LIMK1: variants seen among roughly 807,000 people sequenced by gnomAD.
LIMK1 encodes the protein LIM domain kinase 1, also known as LIM motif-containing protein kinase.
A neutral mutation model predicts 77.6 loss-of-function variants in LIMK1; 21 were observed. The observed-to-expected ratio is 0.27, with a 90% CI of 0.19 to 0.39. LIMK1 has a LOEUF of 0.39. Among genes scored for constraint, LIMK1 ranks in the 10% least tolerant of loss-of-function variants. The pLI is 1.00. For synonymous variants in LIMK1, 358 were observed against 370.0 expected, an observed-to-expected ratio of 0.97 and a Z score of 0.37; for missense variants, 696 against 901.6, an observed-to-expected ratio of 0.77 and a Z score of 2.92.
rs766135842 is a variant in LIMK1 at position 74,110,624 on chromosome 7, C to T, written c.1285-1024C>T. On this transcript the variant is annotated intron_variant, in intron 10 of 15. Transcript: ENST00000336180. The stretch of plus-strand genomic sequence containing the variant: ...TCTCGGCTCACTGCAACCTCCACCT[C>T]CCAGGTTCAATCGATTCTGCCTCAG... 173 of 152,330 alleles carry T rather than the reference C, an allele frequency of 1.1e-3. 1 individual carries two copies. Among genetic ancestry groups the T allele is most frequent in the Middle Eastern group, 6.7e-3 (2 of 298 alleles). 9.4% of individuals were successfully genotyped at this position (152,330 alleles called of 1,614,324 possible).
At position 74,121,405 on chromosome 7, in the gene LIMK1, T is replaced by A; in HGVS notation, c.*104T>A. The stretch of plus-strand genomic sequence containing the variant: ...CAGCTGGGACAGTGGGGACCCAGGC[T>A]TCTCCTCAGAGCCAGGCCCTGACTT... On this transcript the variant is annotated 3_prime_UTR_variant, in exon 16 of 16. Coordinates refer to ENST00000336180, the MANE Select transcript of LIMK1 (RefSeq NM_002314.4). 1 of 1,189,462 alleles carries A rather than the reference T, an allele frequency of 8.4e-7. No homozygotes were observed. The highest frequency in any genetic ancestry group is 1.1e-6 in the Non-Finnish European group (1 of 869,926). 73.7% of individuals were successfully genotyped at this position (1,189,462 alleles called of 1,614,324 possible). A position where few individuals can be genotyped will look rare whatever the true frequency, so the allele number is the denominator to read the frequency against.
chr7:74,107,777 A>T, intron 8 of LIMK1, 94 bp from the exon 9 acceptor site: 1 of 914,250 alleles, frequency 1.1e-6, no homozygotes, highest in South Asian at 1.4e-5. Flanking sequence ...CCATCTGCAC[A>T]TCTCCCTGGC....
chr7:74,092,260 A>T lies in LIMK1; in HGVS notation c.153-4362A>T, dbSNP rs147250429. 7.3e-3 allele frequency among the ~76,000 whole-genome samples: 1,112 copies of T among 152,128 alleles called. 12 individuals are homozygous for T. The highest frequency in any genetic ancestry group is 0.025 in the African/African-American group (1,046 of 41,530). On this transcript the variant is annotated intron_variant, in intron 2 of 15. Transcript: ENST00000336180. ...GGGTTACAGGCATGAGCCACTGCGC[A>T]CAGGCAGCTGTGCATCTTTGAATGT...
At chr7:74,092,989 C>T in intron 2 of LIMK1, 1 of 607,652 alleles carries the variant, frequency 1.6e-6, no homozygotes, top group Non-Finnish European at 2.6e-6. Context: ...GGCTCCCTGC[C>T]TGGGGTCCAA....
chr7:74,104,066 TA>T (rs1799519736), intron 5 of LIMK1, among the ~76,000 whole-genome samples: 1 of 152,038 alleles, frequency 6.6e-6, no homozygotes, highest in African/African-American at 2.4e-5. Flanking sequence ...TAGCTGGGAT[TA>T]CAGGAGTGTG....
chr7:74,107,310 A>G, intron 8 of LIMK1, 117 bp downstream of exon 8: 2 of 1,137,786 alleles, frequency 1.8e-6, no homozygotes, highest in Non-Finnish European at 2.4e-6. Flanking sequence ...CTCCCTGGCC[A>G]GTGCCCTCTC....
Position 74,096,709 on chromosome 7 carries a change from T to A in LIMK1, c.240T>A (p.Tyr80Ter). The A allele has an allele frequency of 6.2e-7, 1 of 1,613,810 alleles. No homozygotes were observed. The highest frequency in any genetic ancestry group is 8.5e-7 in the Non-Finnish European group (1 of 1,179,864). Residue 80 changes from tyrosine to a stop codon, truncating the protein, a stop_gained, in exon 3 of 16, where the codon TAT becomes TAA. Coordinates refer to ENST00000336180, the MANE Select transcript of LIMK1 (RefSeq NM_002314.4). LOFTEE classifies it high-confidence loss of function. ...GCAAGAAGGACTACTGGGCCCGCTATGGCGAGTCCTGCCATGGGTGCTCTG... is the reference window on the plus strand; with the variant it reads ...GCAAGAAGGACTACTGGGCCCGCTAAGGCGAGTCCTGCCATGGGTGCTCTG... ...LFCKKDYWAR[Y>*]GESCHGCSEQ... is the part of the protein sequence containing the mutation.
At chr7:74,118,711 G>C (rs1444455923) in intron 13 of LIMK1, among the ~76,000 whole-genome samples, 1 of 151,906 alleles carries the variant, frequency 6.6e-6, no homozygotes, top group Non-Finnish European at 1.5e-5. Context: ...GAACCCAGGA[G>C]GCAGAGGTTG....
intron 13 of LIMK1, among the ~76,000 whole-genome samples, chr7:74,116,893 T>G (rs1469921093): frequency 6.6e-6 from 1 of 151,674 alleles, no homozygotes; most frequent in Non-Finnish European, 1.5e-5. Context: ...ATTTTTTATT[T>G]TTTTTTGAGA....
Position 74,120,998 on chromosome 7 carries a change from C to G in LIMK1, c.1730C>G (p.Pro577Arg), listed in dbSNP as rs782345155. 6.2e-7 allele frequency: 1 copy of G among 1,611,018 alleles called. No individual in the cohort carries two copies. Among genetic ancestry groups the G allele is most frequent in the Admixed American group, 1.7e-5 (1 of 59,684 alleles). Residue 577 changes from proline to arginine, a missense_variant, in exon 15 of 16, where the codon CCG becomes CGG. Physicochemically the swap from Pro to Arg is moderately radical, Grantham distance 103. Around this residue, in one of 3 missense-constraint regions of LIMK1, gnomAD observed 438 missense variants for 602.3 expected, o/e 0.73. Transcript: ENST00000336180. ...CGCTACTGCCCCCCAAACTGCCCCC[C>G]GAGCTTCTTCCCCATCACCGTGCGC... The part of the protein sequence containing the change: ...LDRYCPPNCP[P>R]SFFPITVRCC...
chr7:74,103,880 G>A (rs1799516465), intron 5 of LIMK1, among the ~76,000 whole-genome samples: 1 of 151,412 alleles, frequency 6.6e-6, no homozygotes, highest in Non-Finnish European at 1.5e-5. Flanking sequence ...CTGCAGCCTC[G>A]ACCTCATGGG....
intron 2 of LIMK1, among the ~76,000 whole-genome samples, chr7:74,094,537 C>G (rs1256107254): frequency 6.6e-6 from 1 of 152,266 alleles, no homozygotes; most frequent in South Asian, 2.1e-4. Context: ...ACCCCTGTGA[C>G]CGAGGTCATG....
chr7:74,121,373 T>C lies in LIMK1; in HGVS notation c.*72T>C. The C allele has an allele frequency of 7.1e-7, 1 of 1,408,154 alleles. No homozygotes were observed. Among genetic ancestry groups the C allele is most frequent in the Non-Finnish European group, 9.5e-7 (1 of 1,056,274 alleles). The allele number at this position is 1,408,154 out of a possible 1,614,324, so 87.2% of individuals were successfully genotyped here. The stretch of plus-strand genomic sequence containing the variant: ...CCCCACCAGATTCCTCCGCGGGAGG[T>C]GGCCCTCAGCTGGGACAGTGGGGAC... On this transcript the variant is annotated 3_prime_UTR_variant, in exon 16 of 16. Transcript: ENST00000336180.
Position 74,098,924 on chromosome 7 carries a change from A to T in LIMK1, c.402-108A>T, listed in dbSNP as rs540516822. On this transcript the variant is annotated intron_variant, in intron 4 of 15. Coordinates refer to ENST00000336180, the MANE Select transcript of LIMK1 (RefSeq NM_002314.4). Reference sequence around the variant, plus strand: ...TGAGACTCCATCTCAAAAAAAAAAAAAAAAAAGGAAGGGATTGGGGGAAGA... The same window carrying T: ...TGAGACTCCATCTCAAAAAAAAAAATAAAAAAGGAAGGGATTGGGGGAAGA... 6.6e-4 allele frequency: 595 copies of T among 898,800 alleles called. 3 individuals carry two copies. Among genetic ancestry groups the T allele is most frequent in the South Asian group, 8.3e-4 (52 of 62,426 alleles). The allele number at this position is 898,800 out of a possible 1,614,324, so 55.7% of individuals were successfully genotyped here. A position where few individuals can be genotyped will look rare whatever the true frequency, so the allele number is the denominator to read the frequency against.
chr7:74,084,347 C>T (rs1194754613), intron 1 of LIMK1, among the ~76,000 whole-genome samples: 2 of 152,128 alleles, frequency 1.3e-5, no homozygotes, highest in Non-Finnish European at 2.9e-5. Flanking sequence ...TCCGCGTGCT[C>T]TGTCCACCAC....
At chr7:74,101,199 G>C (rs1456350968) in intron 5 of LIMK1, among the ~76,000 whole-genome samples, 2 of 152,204 alleles carry the variant, frequency 1.3e-5, no homozygotes, top group Non-Finnish European at 2.9e-5. Context: ...AGCCAAGCCA[G>C]CAGCTGCTTT....
rs201807030 is a variant in LIMK1 at position 74,099,249 on chromosome 7, G to A, written c.608+11G>A. ...CGTCCGCGTCCAGGGGTGAGTGGCC[G>A]GCCTGCCGAGGCTGCCGTCGGTGTG... On this transcript the variant is annotated intron_variant, in intron 5 of 15. Coordinates refer to ENST00000336180, the MANE Select transcript of LIMK1 (RefSeq NM_002314.4). 99 of 1,599,596 alleles carry A rather than the reference G, an allele frequency of 6.2e-5. No individual in the cohort carries two copies. The highest frequency in any genetic ancestry group is 1.7e-4 in the Middle Eastern group (1 of 6,038).
chr7:74,084,045 G>A lies in LIMK1; in HGVS notation c.55G>A (p.Gly19Arg), dbSNP rs1799081905. Residue 19 changes from glycine (G) to arginine (R), a missense_variant and splice_region_variant, in exon 1 of 16, where the codon GGA becomes AGA. Gly to Arg is a moderately radical substitution (Grantham distance 125). This residue lies in a region of LIMK1 where 252 missense variants were observed against 279.4 expected (regional missense o/e 0.90). Transcript: ENST00000336180. Reference protein sequence around the residue: ...TWREERMGEEGSELPVCASCG... With the variant: ...TWREERMGEERSELPVCASCG... ...GAGGGAAGAACGTATGGGAGAGGAA[G>A]GTGCGCGGGCCGCGGGGTGTGGGGC... is the stretch of plus-strand genomic sequence containing the variant. 2 of 1,492,600 alleles carry A rather than the reference G, an allele frequency of 1.3e-6. No individual in the cohort carries two copies. Among genetic ancestry groups the A allele is most frequent in the South Asian group, 1.3e-5 (1 of 78,376 alleles). 92.5% of individuals were successfully genotyped at this position (1,492,600 alleles called of 1,614,324 possible).
intron 10 of LIMK1, chr7:74,109,314 C>G: frequency 4.8e-6 from 2 of 419,404 alleles, no homozygotes; most frequent in South Asian, 4.2e-5. Context: ...GAGCTGTGAT[C>G]TCACCACTGC....
Sources: allele counts gnomAD v4.1 joint callset (sites outside exome capture counted in the v4.1 genomes callset), GRCh38; gene constraint gnomAD v4.1.1; regional missense constraint gnomAD v4.1.1; transcripts MANE v1.5; gene names NCBI Gene and HGNC (gene_info 2026-07-23, HGNC 2026-07-21).